Variants in APAF1 observed in about 807,000 individuals in gnomAD.
APAF1 encodes apoptotic peptidase activating factor 1, also known as apoptotic protease-activating factor 1.
A neutral mutation model predicts 152.4 loss-of-function variants in APAF1; 91 were observed. The observed-to-expected ratio is 0.60, with a 90% CI of 0.50 to 0.71. The LOEUF is 0.71. Among genes scored for constraint, APAF1 ranks in the 30% least tolerant of loss-of-function variants. The pLI is 0.00. For synonymous variants in APAF1, 484 were observed against 494.1 expected, an observed-to-expected ratio of 0.98 and a Z score of 0.27; for missense variants, 1,283 against 1,472.0, an observed-to-expected ratio of 0.87 and a Z score of 2.10.
intron 18 of APAF1, among the ~76,000 whole-genome samples, chr12:98,704,136 T>G (rs1457730649): frequency 6.6e-6 from 1 of 150,686 alleles, no homozygotes; most frequent in Non-Finnish European, 1.5e-5. Flanking sequence ...TTTTTTTTTT[T>G]GTTTTTTAAT....
chr12:98,649,305 G>A (rs2097646084), intron 3 of APAF1, 182 bp from the exon 4 acceptor site: 1 of 853,562 alleles, frequency 1.2e-6, no homozygotes, highest in African/African-American at 1.8e-5. Flanking sequence ...ATATATGTTT[G>A]TCTTTGCTCT....
At chr12:98,659,387 C>T in intron 5 of APAF1, 44 bp downstream of exon 5, 1 of 1,585,378 alleles carries the variant, frequency 6.3e-7, no homozygotes, top group Non-Finnish European at 8.7e-7. Flanking sequence ...TCCCATGTCC[C>T]AATAAGATGT....
intron 5 of APAF1, among the ~76,000 whole-genome samples, chr12:98,661,187 C>T (rs2097664787): frequency 6.6e-6 from 1 of 152,096 alleles, no homozygotes; most frequent in Non-Finnish European, 1.5e-5. Flanking sequence ...AGGCGTGAGC[C>T]ACTGCGCTCG....
chr12:98,725,325 T>C (rs2097748872), intron 24 of APAF1, 90 bp from the exon 25 acceptor site: 2 of 1,513,336 alleles, frequency 1.3e-6, no homozygotes, highest in Non-Finnish European at 1.8e-6. Context: ...AGAATGTCCA[T>C]GTGATTGAAT....
At chr12:98,655,722 T>G (rs941048988) in intron 4 of APAF1, among the ~76,000 whole-genome samples, 3 of 151,668 alleles carry the variant, frequency 2.0e-5, no homozygotes, top group African/African-American at 7.3e-5. Context: ...CAGGTCATCC[T>G]CCCACCTCAG....
chr12:98,722,938 T>C (rs891708928), intron 22 of APAF1, among the ~76,000 whole-genome samples: 5 of 152,130 alleles, frequency 3.3e-5, no homozygotes, highest in African/African-American at 1.2e-4. Context: ...TATAATTAAC[T>C]GTTCTCCAAG....
At chr12:98,695,389 C>G (rs535660568) in intron 16 of APAF1, among the ~76,000 whole-genome samples, 23 of 142,072 alleles carry the variant, frequency 1.6e-4, no homozygotes, top group Non-Finnish European at 3.2e-4. Flanking sequence ...CAGGGTCTCA[C>G]TCTGTCACAC....
chr12:98,648,183 G>A, intron 1 of APAF1, 136 bp from the exon 2 acceptor site: 1 of 746,228 alleles, frequency 1.3e-6, no homozygotes, highest in South Asian at 1.7e-5. Context: ...CAAGCACTGG[G>A]TTTTGTCCAT....
chr12:98,662,566 T>C lies in APAF1; in HGVS notation c.821T>C (p.Met274Thr), dbSNP rs1270700267. Reference protein sequence around the residue: ...TRDKSVTDSVMGPKYVVPVES... With the variant: ...TRDKSVTDSVTGPKYVVPVES... ...GACAAGAGTGTTACAGATTCAGTAA[T>C]GGGTAAGGATTATTCGTTTACTTTT... Residue 274 changes from methionine (M) to threonine (T), a missense_variant and splice_region_variant, in exon 6 of 27, where the codon ATG becomes ACG. Physicochemically the swap from Met to Thr is moderately conservative, Grantham distance 81 (BLOSUM62 -1). Transcript: ENST00000551964. 3 of 1,610,822 alleles carry C rather than the reference T, an allele frequency of 1.9e-6. No homozygotes were observed. In the Admixed American group the frequency reaches 5.0e-5, roughly 27 times the overall value.
At chr12:98,704,447 ACTT>A (rs1282488810) in intron 18 of APAF1, among the ~76,000 whole-genome samples, 1 of 152,180 alleles carries the variant, frequency 6.6e-6, no homozygotes, top group Admixed American at 6.5e-5. Context: ...TACTGCAAGC[ACTT>A]CTTCAGTGTT....
chr12:98,714,341 A>G (rs552413406), intron 21 of APAF1, among the ~76,000 whole-genome samples: 42 of 152,370 alleles, frequency 2.8e-4, no homozygotes, highest in African/African-American at 9.9e-4. Flanking sequence ...ACCAGCATTT[A>G]CCTATAAAGT....
chr12:98,732,855 T>C lies in APAF1; in HGVS notation c.*289T>C, dbSNP rs1239650003. ...GTTGGTAAAATTCTGTCTTGATGCA[T>C]TCAAAATGGTTGACATAATTAATGA... On this transcript the variant is annotated 3_prime_UTR_variant, in exon 27 of 27. Coordinates refer to ENST00000551964, the MANE Select transcript of APAF1 (RefSeq NM_181861.2). 2.9e-6 allele frequency: 1 copy of C among 347,486 alleles called. No homozygotes were observed. The highest frequency in any genetic ancestry group is 4.7e-5 in the Admixed American group (1 of 21,488). The allele number at this position is 347,486 out of a possible 1,614,324, so 21.5% of individuals were successfully genotyped here.
intron 7 of APAF1, 103 bp downstream of exon 7, chr12:98,662,909 A>G (rs1334775730): frequency 2.6e-5 from 29 of 1,122,494 alleles, no homozygotes; most frequent in Middle Eastern, 3.0e-4. Context: ...TGAACATCCA[A>G]AAACTTTTCT....
intron 16 of APAF1, among the ~76,000 whole-genome samples, chr12:98,698,676 C>T (rs965613198): frequency 2.6e-5 from 4 of 152,214 alleles, no homozygotes; most frequent in Middle Eastern, 3.2e-3. Flanking sequence ...CTTTCTCCCC[C>T]AACCCCCATC....
chr12:98,673,099 G>C (rs2097682326), intron 12 of APAF1, among the ~76,000 whole-genome samples: 1 of 151,994 alleles, frequency 6.6e-6, no homozygotes, highest in Non-Finnish European at 1.5e-5. Context: ...ACCTAAAATT[G>C]ACCTCTGATT....
intron 5 of APAF1, among the ~76,000 whole-genome samples, chr12:98,659,974 G>A (rs1314134743): frequency 6.6e-6 from 1 of 152,116 alleles, no homozygotes; most frequent in African/African-American, 2.4e-5. Flanking sequence ...GCTAGAAAGT[G>A]CAAACTTCTT....
At chr12:98,664,862 G>A (rs564383167) in intron 7 of APAF1, among the ~76,000 whole-genome samples, 2 of 151,538 alleles carry the variant, frequency 1.3e-5, no homozygotes, top group South Asian at 4.2e-4. Context: ...TATATCTTGA[G>A]CATTTTCCCA....
chr12:98,648,228 TG>T (rs1227968356), intron 1 of APAF1, 90 bp from the exon 2 acceptor site: 1 of 1,277,228 alleles, frequency 7.8e-7, no homozygotes, highest in Non-Finnish European at 1.1e-6. Context: ...AAATCAGTTT[TG>T]TTCTTTTTAC....
rs753084099 is a variant in APAF1 at position 98,708,614 on chromosome 12, C to T, written c.2751C>T (p.Asn917=). 6.2e-7 allele frequency: 1 copy of T among 1,613,146 alleles called. No individual in the cohort carries two copies. The highest frequency in any genetic ancestry group is 1.7e-5 in the Admixed American group (1 of 60,006). ...GGGAGACAAAGAAAGTATGTAAGAACTCTGCTGTAATGTTAAAGCAAGAAG... is the reference window on the plus strand; with the variant it reads ...GGGAGACAAAGAAAGTATGTAAGAATTCTGCTGTAATGTTAAAGCAAGAAG... ...RLWETKKVCK[N]SAVMLKQEVD... Residue 917 remains asparagine (N), a synonymous_variant, in exon 20 of 27, where the codon AAC becomes AAT. Transcript: ENST00000551964.
Sources: allele counts gnomAD v4.1 joint callset (sites outside exome capture counted in the v4.1 genomes callset), GRCh38; gene constraint gnomAD v4.1.1; transcripts MANE v1.5; gene names NCBI Gene and HGNC (gene_info 2026-07-23, HGNC 2026-07-21).